Variants in TULP4 observed in about 807,000 individuals in gnomAD.
TULP4 encodes TUB like protein 4, also known as tubby-related protein 4.
TULP4 carries 16 observed loss-of-function variants against 129.0 expected under a neutral mutation model. The observed-to-expected ratio is 0.12, with a 90% confidence interval of 0.08 to 0.19. TULP4 has a LOEUF of 0.19. TULP4 is among the 10% of genes least tolerant of loss of function. The pLI, the probability that TULP4 is intolerant of heterozygous loss-of-function variation, is 1.00. For synonymous variants in TULP4, 998 were observed against 854.0 expected (o/e 1.17, Z -2.94); for missense variants, 1,842 against 2,059.1 (o/e 0.89, Z 2.04).
chr6:158,279,907 A>G (rs1731827781), upstream of TULP4, among the ~76,000 whole-genome samples: 1 of 152,194 alleles, frequency 6.6e-6, no homozygotes, highest in Non-Finnish European at 1.5e-5. Context: ...CAGAGGGCTT[A>G]TTTCAGAACA....
At chr6:158,242,400 G>A in intron 1 of TULP4, 1 of 1,427,836 alleles carries the variant, frequency 7.0e-7, no homozygotes. Context: ...CTCATCATAA[G>A]CATCGTGGGA....
chr6:158,263,568 G>T (rs1236039502), intron 1 of TULP4, among the ~76,000 whole-genome samples: 1 of 152,164 alleles, frequency 6.6e-6, no homozygotes, highest in Non-Finnish European at 1.5e-5. Context: ...AGTGGCTTGG[G>T]TCTGTAGTGG....
chr6:158,308,000 T>C (rs1394430697), upstream of TULP4, among the ~76,000 whole-genome samples: 1 of 151,884 alleles, frequency 6.6e-6, no homozygotes, highest in African/African-American at 2.4e-5. Flanking sequence ...TCTTTTCTTT[T>C]TTTTTTCTTT....
chr6:158,492,419 C>T (rs1343721902), intron 9 of TULP4, among the ~76,000 whole-genome samples: 1 of 152,204 alleles, frequency 6.6e-6, no homozygotes, highest in Non-Finnish European at 1.5e-5. Flanking sequence ...TCCAGTTACT[C>T]TAGCAATCTG....
intron 1 of TULP4, among the ~76,000 whole-genome samples, chr6:158,395,303 G>A (rs1430961238): frequency 6.6e-6 from 1 of 152,096 alleles, no homozygotes; most frequent in African/African-American, 2.4e-5. Context: ...AGACCTGGCC[G>A]GGCACGGTGG....
chr6:158,413,779 G>T lies in TULP4; in HGVS notation c.381+586G>T, dbSNP rs1175130354. ...TAGAACTGCTCCATAGATTGTTCTG[G>T]TTTACAGGACGGCTTCATGGTGCAC... is the stretch of plus-strand genomic sequence containing the variant. On this transcript the variant is annotated intron_variant, in intron 2 of 13. Coordinates refer to ENST00000367097, the MANE Select transcript of TULP4 (RefSeq NM_020245.5). The surrounding 1 kb of genome is among the most constrained non-coding windows in gnomAD (Gnocchi z 4.9). Among the ~76,000 whole-genome samples the T allele has an allele frequency of 1.3e-5, 2 of 152,226 alleles. No individual in the cohort carries two copies. Among genetic ancestry groups the T allele is most frequent in the African/African-American group, 2.4e-5 (1 of 41,458 alleles).
At chr6:158,381,934 T>G (rs1380086149) in intron 1 of TULP4, among the ~76,000 whole-genome samples, 1 of 152,246 alleles carries the variant, frequency 6.6e-6, no homozygotes, top group Non-Finnish European at 1.5e-5. Flanking sequence ...TTGTTGTTGT[T>G]GTTTTTTCCA....
In TULP4 at chr6:158,510,997, T is replaced by C. The variant is rs1312767303; in HGVS notation, c.*4303T>C. ...AAATGTGTCCAAAATGTCGTTTGAG[T>C]TCCTGGGATTTCTGTAATAGCACAC... On this transcript the variant is annotated 3_prime_UTR_variant, in exon 14 of 14. Coordinates refer to ENST00000367097, the MANE Select transcript of TULP4 (RefSeq NM_020245.5). 1 of 152,498 alleles carries C rather than the reference T, an allele frequency of 6.6e-6. No homozygotes were observed. Among genetic ancestry groups the C allele is most frequent in the Non-Finnish European group, 1.5e-5 (1 of 68,024 alleles). 9.4% of individuals were successfully genotyped at this position (152,498 alleles called of 1,614,324 possible).
rs987383629 is a variant in TULP4, at chr6:158,413,270, C to T, written c.381+77C>T. On this transcript the variant is annotated intron_variant, in intron 2 of 13. Transcript: ENST00000367097. The surrounding 1 kb of genome is among the most constrained non-coding windows in gnomAD (Gnocchi z 4.9). ...CCAGACAGGCATTCCGGAGCCAGTGCGTTAGCACCACACAGCGCCACGTGC... is the reference window on the plus strand; with the variant it reads ...CCAGACAGGCATTCCGGAGCCAGTGTGTTAGCACCACACAGCGCCACGTGC... 1.1e-5 allele frequency: 16 copies of T among 1,498,862 alleles called. No homozygotes were observed. In the East Asian group the frequency reaches 2.1e-4, roughly 20 times the overall value. The allele number at this position is 1,498,862 out of a possible 1,614,324, so 92.8% of individuals were successfully genotyped here.
intron 1 of TULP4, among the ~76,000 whole-genome samples, chr6:158,395,672 G>GGGCGGGGT (rs1370800117): frequency 3.8e-5 from 5 of 132,688 alleles, no homozygotes; most frequent in South Asian, 2.9e-4. Context: ...GATGGGCGGG[G>GGGCGGGGT]GGGGGGTCAT....
intron 1 of TULP4, among the ~76,000 whole-genome samples, chr6:158,254,875 C>T (rs1416764576): frequency 6.6e-6 from 1 of 152,182 alleles, no homozygotes; most frequent in African/African-American, 2.4e-5. Context: ...AGTTCCAGAC[C>T]AGCCTGGCCA....
intron 1 of TULP4, among the ~76,000 whole-genome samples, chr6:158,261,732 G>A (rs577328885): frequency 2.6e-5 from 4 of 152,266 alleles, no homozygotes; most frequent in East Asian, 1.9e-4. Flanking sequence ...GCTGGTGGGC[G>A]TGGGCTGGTT....
intron 1 of TULP4, among the ~76,000 whole-genome samples, chr6:158,390,368 A>T (rs1199933807): frequency 2.8e-5 from 4 of 145,134 alleles, no homozygotes; most frequent in Admixed American, 1.4e-4. Context: ...TGCAGATCTT[A>T]AAAAAAAAAA....
At chr6:158,278,788 A>T (rs1205193460), upstream of TULP4, among the ~76,000 whole-genome samples, 3 of 152,066 alleles carry the variant, frequency 2.0e-5, no homozygotes, top group Admixed American at 6.5e-5. Context: ...AGGACCTCCT[A>T]TGTTTAGGGC....
At chr6:158,256,866 G>A (rs1369639383) in intron 1 of TULP4, among the ~76,000 whole-genome samples, 2 of 152,122 alleles carry the variant, frequency 1.3e-5, no homozygotes, top group African/African-American at 2.4e-5. Flanking sequence ...TTTTAGTTGT[G>A]TTTGGGAGCC....
intron 1 of TULP4, among the ~76,000 whole-genome samples, chr6:158,351,665 G>T (rs1182268198): frequency 7.3e-6 from 1 of 137,582 alleles, no homozygotes; most frequent in Non-Finnish European, 1.5e-5. Context: ...TGATGAATTT[G>T]TGATGTGTAA....
chr6:158,380,301 C>T (rs1777291840), intron 1 of TULP4, among the ~76,000 whole-genome samples: 1 of 152,330 alleles, frequency 6.6e-6, no homozygotes, highest in African/African-American at 2.4e-5. Context: ...CTGTACAGTT[C>T]CCTTTGCTTT....
intron 1 of TULP4, among the ~76,000 whole-genome samples, chr6:158,364,362 T>A (rs1780873599): frequency 6.6e-6 from 1 of 152,220 alleles, no homozygotes; most frequent in African/African-American, 2.4e-5. Flanking sequence ...AAACAAGTCC[T>A]TTATTCTGTC....
intron 3 of TULP4, among the ~76,000 whole-genome samples, chr6:158,442,815 GTTT>G (rs71742442): frequency 1.4e-5 from 2 of 145,616 alleles, no homozygotes; most frequent in East Asian, 2.0e-4. Context: ...TAAATGGTTG[GTTT>G]TTTTTTTTTT....
Sources: gnomAD v4.1 joint callset for allele counts (sites outside exome capture counted in the v4.1 genomes callset) on GRCh38, gnomAD v4.1.1 for gene constraint, Gnocchi (gnomAD v3.1) non-coding constraint, MANE v1.5 for transcripts, NCBI Gene and HGNC (gene_info 2026-07-23, HGNC 2026-07-21) for gene names.